Variants in IFI16 observed in about 807,000 individuals in gnomAD.
IFI16 encodes interferon gamma inducible protein 16.
IFI16 carries 49 observed loss-of-function variants against 68.4 expected under a neutral mutation model. That is an observed-to-expected ratio of 0.72 (90% confidence interval 0.57 to 0.91). The LOEUF (loss-of-function observed/expected upper bound fraction) is 0.91. Among genes scored for constraint, IFI16 ranks in the 40% least tolerant of loss-of-function variants. IFI16 has a pLI of 0.00. For synonymous variants in IFI16, 307 were observed against 315.0 expected (o/e 0.97, Z 0.27); for missense variants, 878 against 942.9 (o/e 0.93, Z 0.90).
chr1:159,033,489 G>A (rs748633875), intron 7 of IFI16, among the ~76,000 whole-genome samples: 22 of 152,122 alleles, frequency 1.4e-4, no homozygotes, highest in Non-Finnish European at 3.1e-4. Flanking sequence ...TTAACTAGAC[G>A]TTGGTTCTTA....
chr1:159,020,842 ACGT>A (rs1263051174), intron 6 of IFI16, among the ~76,000 whole-genome samples: 4 of 70,608 alleles, frequency 5.7e-5, no homozygotes, highest in Admixed American at 2.0e-4. Flanking sequence ...GAATTAGAAA[ACGT>A]CGTGTGTGTG....
intron 7 of IFI16, among the ~76,000 whole-genome samples, chr1:159,041,207 C>T (rs1654616033): frequency 6.6e-6 from 1 of 152,170 alleles, no homozygotes; most frequent in Non-Finnish European, 1.5e-5. Flanking sequence ...AATGGGTTTT[C>T]ACTATTATAA....
intron 8 of IFI16, among the ~76,000 whole-genome samples, chr1:159,046,547 T>C (rs1331046817): frequency 6.6e-6 from 1 of 151,348 alleles, no homozygotes. Flanking sequence ...ATTCCACCAG[T>C]ATTATTATTA....
intron 6 of IFI16, among the ~76,000 whole-genome samples, chr1:159,025,796 G>C (rs1246282257): frequency 6.6e-6 from 1 of 152,128 alleles, no homozygotes; most frequent in African/African-American, 2.4e-5. Context: ...GAATCTTTAT[G>C]GTTTCTGGTC....
At chr1:159,009,727 G>A (rs144789078), upstream of IFI16, among the ~76,000 whole-genome samples, 261 of 152,294 alleles carry the variant, frequency 1.7e-3, no homozygotes, top group Admixed American at 4.3e-3. Context: ...TGAAGTCAGA[G>A]ATTTCAGTGT....
chr1:159,028,881 A>C lies in IFI16; in HGVS notation c.1162-3643A>C, dbSNP rs116216898. On this transcript the variant is annotated intron_variant, in intron 6 of 11. Coordinates refer to ENST00000295809, the MANE Select transcript of IFI16 (RefSeq NM_001376587.1). The stretch of plus-strand genomic sequence containing the variant: ...AAACCTTATGTTTATGTGAGGCCTT[A>C]TGTGTTAGGTGAGTCTCTTAAAGAC... 5.3e-3 allele frequency among the ~76,000 whole-genome samples: 811 copies of C among 151,826 alleles called. 7 individuals carry two copies. Among genetic ancestry groups the C allele is most frequent in the Admixed American group, 7.2e-3 (110 of 15,258 alleles).
intron 6 of IFI16, among the ~76,000 whole-genome samples, chr1:159,022,289 T>C (rs1435256158): frequency 2.6e-5 from 4 of 152,214 alleles, no homozygotes; most frequent in Non-Finnish European, 5.9e-5. Flanking sequence ...GATGGGATTA[T>C]TTGTATGTGC....
rs1652820381 is a variant in IFI16 at position 159,014,835 on chromosome 1, T to C, written c.155T>C (p.Met52Thr). 6.2e-7 allele frequency: 1 copy of C among 1,614,138 alleles called. No individual in the cohort carries two copies. The highest frequency in any genetic ancestry group is 8.5e-7 in the Non-Finnish European group (1 of 1,179,962). Residue 52 changes from methionine to threonine, a missense_variant, in exon 2 of 12, where the codon ATG (methionine) becomes ACG (threonine). Physicochemically the swap from Met to Thr is moderately conservative, Grantham distance 81. This residue lies in a region of IFI16 where 65 missense variants were observed against 96.9 expected (regional missense o/e 0.67). Coordinates refer to ENST00000295809, the MANE Select transcript of IFI16 (RefSeq NM_001376587.1). ...EYDKIQIADL[M>T]EEKFRGDAGL... ...GACAAAATTCAGATTGCTGACTTGATGGAAGAAAAGTTCCGAGGTGATGCT... is the reference window on the plus strand; with the variant it reads ...GACAAAATTCAGATTGCTGACTTGACGGAAGAAAAGTTCCGAGGTGATGCT...
At chr1:159,048,460 C>G (rs1340407680) in intron 8 of IFI16, among the ~76,000 whole-genome samples, 1 of 151,386 alleles carries the variant, frequency 6.6e-6, no homozygotes, top group African/African-American at 2.4e-5. Flanking sequence ...AAATGTGAAC[C>G]TTTAATGAGC....
rs183373515 is a variant in IFI16, at chr1:159,053,253, T to C, written c.2086-280T>C. 82 of 250,196 alleles carry C rather than the reference T, an allele frequency of 3.3e-4. 3 individuals are homozygous for C. In the East Asian group the frequency reaches 6.4e-3, roughly 19 times the overall value. 15.5% of individuals were successfully genotyped at this position (250,196 alleles called of 1,614,324 possible). The stretch of plus-strand genomic sequence containing the variant: ...TCCAGGCTCCTTAAAAAATCCCAGC[T>C]GTGCTGATGTGGAAACAGGAAGAAT... On this transcript the variant is annotated intron_variant, in intron 10 of 11. Transcript: ENST00000295809.
intron 1 of IFI16, among the ~76,000 whole-genome samples, chr1:159,014,168 A>G (rs753692801): frequency 1.3e-5 from 2 of 152,196 alleles, no homozygotes; most frequent in Non-Finnish European, 2.9e-5. Flanking sequence ...GGAAGAGTCA[A>G]GGAGAATAGG....
chr1:159,017,715 C>G (rs1307937515), intron 4 of IFI16, among the ~76,000 whole-genome samples: 1 of 152,132 alleles, frequency 6.6e-6, no homozygotes, highest in Non-Finnish European at 1.5e-5. Flanking sequence ...TCAAGTGATT[C>G]TCCTGCCTCA....
chr1:159,001,479 A>G (rs1652058520), upstream of IFI16, among the ~76,000 whole-genome samples: 1 of 152,246 alleles, frequency 6.6e-6, no homozygotes, highest in Non-Finnish European at 1.5e-5. Flanking sequence ...TTATACATGT[A>G]GAATTTATAA....
At chr1:159,025,907 G>T (rs1653639553) in intron 6 of IFI16, among the ~76,000 whole-genome samples, 1 of 152,148 alleles carries the variant, frequency 6.6e-6, no homozygotes, top group African/African-American at 2.4e-5. Context: ...AATTATCCCA[G>T]CACCATTTGT....
rs140504262 is a variant in IFI16 at position 159,050,034 on chromosome 1, C to G, written c.1665+435C>G. Among the ~76,000 whole-genome samples the G allele has an allele frequency of 6.4e-3, 973 of 152,268 alleles. 14 individuals carry two copies. The highest frequency in any genetic ancestry group is 0.022 in the African/African-American group (925 of 41,564). On this transcript the variant is annotated intron_variant, in intron 9 of 11. Coordinates refer to ENST00000295809, the MANE Select transcript of IFI16 (RefSeq NM_001376587.1). ...AATAACTTTTAACTGTCAGAAATCTCTATCTAATGCCACATTTCAGTACAT... is the reference window on the plus strand; with the variant it reads ...AATAACTTTTAACTGTCAGAAATCTGTATCTAATGCCACATTTCAGTACAT...
At chr1:159,049,096 A>G (rs1655182455) in intron 8 of IFI16, among the ~76,000 whole-genome samples, 1 of 150,066 alleles carries the variant, frequency 6.7e-6, no homozygotes, top group African/African-American at 2.5e-5. Context: ...AAATGTAGCC[A>G]ACTTTATTGC....
Position 159,032,607 on chromosome 1 carries a change from A to G in IFI16, c.1245A>G (p.Ser415=). 2 of 1,613,140 alleles carry G rather than the reference A, an allele frequency of 1.2e-6. No homozygotes were observed. Among genetic ancestry groups the G allele is most frequent in the Non-Finnish European group, 1.7e-6 (2 of 1,179,486 alleles). The change falls in exon 7 of 12, where the codon TCA becomes TCG. Residue 415 remains serine (S), a synonymous_variant. Transcript: ENST00000295809. ...AACAGCGTCAGCTTCCATATCCTTC[A>G]GAGGCCAGCACAACCTTCCCTGAGA... is the stretch of plus-strand genomic sequence containing the variant. ...PQEQRQLPYP[S]EASTTFPESH...
At chr1:159,006,922 A>G (rs1652281835), upstream of IFI16, among the ~76,000 whole-genome samples, 1 of 152,190 alleles carries the variant, frequency 6.6e-6, no homozygotes, top group South Asian at 2.1e-4. Context: ...CGCATTTCTG[A>G]CTGTTTATAG....
intron 7 of IFI16, among the ~76,000 whole-genome samples, chr1:159,035,165 T>G (rs2101881335): frequency 6.6e-6 from 1 of 152,354 alleles, no homozygotes; most frequent in East Asian, 1.9e-4. Flanking sequence ...ATTTTGATTT[T>G]TTTTTGGTTT....
Sources: allele counts gnomAD v4.1 joint callset (sites outside exome capture counted in the v4.1 genomes callset), GRCh38; gene constraint gnomAD v4.1.1; regional missense constraint gnomAD v4.1.1; transcripts MANE v1.5; gene names NCBI Gene and HGNC (gene_info 2026-07-23, HGNC 2026-07-21).